CADPS2: variants seen among roughly 807,000 people sequenced by gnomAD.
CADPS2 encodes the protein calcium dependent secretion activator 2, also known as calcium-dependent secretion activator 2.
A neutral mutation model predicts 172.5 loss-of-function variants in CADPS2; 93 were observed. The ratio of observed to expected loss-of-function variants is 0.54; its 90% confidence interval spans 0.46 to 0.64. The LOEUF is 0.64. Among genes scored for constraint, CADPS2 ranks in the 30% least tolerant of loss-of-function variants. The pLI is 0.00. For missense variants in CADPS2, 1,420 were observed against 1,565.9 expected (o/e 0.91, Z 1.57); for synonymous variants, 546 against 555.2 (o/e 0.98, Z 0.23).
At chr7:122,338,061 C>T (rs2036169166) in intron 28 of CADPS2, among the ~76,000 whole-genome samples, 1 of 152,182 alleles carries the variant, frequency 6.6e-6, no homozygotes, top group Non-Finnish European at 1.5e-5. Flanking sequence ...ACCTTTAGTA[C>T]ACAATGAGGT....
intron 1 of CADPS2, among the ~76,000 whole-genome samples, chr7:122,877,435 T>C (rs985287043): frequency 1.3e-5 from 2 of 152,114 alleles, no homozygotes; most frequent in Non-Finnish European, 1.5e-5. Flanking sequence ...AAAAGAGGTA[T>C]AGCTATTGGA....
At chr7:122,674,579 C>T (rs943965542) in intron 2 of CADPS2, among the ~76,000 whole-genome samples, 1 of 152,186 alleles carries the variant, frequency 6.6e-6, no homozygotes, top group Non-Finnish European at 1.5e-5. Flanking sequence ...GAAACTATAT[C>T]TGCCAAAAGT....
chr7:122,732,453 A>G (rs1046632438), intron 2 of CADPS2, among the ~76,000 whole-genome samples: 1 of 151,158 alleles, frequency 6.6e-6, no homozygotes, highest in East Asian at 1.9e-4. Flanking sequence ...AGAGAGAAAA[A>G]TAATAGCAAA....
chr7:122,845,289 T>C (rs764284743), intron 1 of CADPS2, among the ~76,000 whole-genome samples: 3 of 152,182 alleles, frequency 2.0e-5, no homozygotes, highest in African/African-American at 4.8e-5. Context: ...CCAGGACTTA[T>C]TCTAAGAGCA....
rs557609936 is a variant in CADPS2 at position 122,327,301 on chromosome 7, T to C, written c.3613-1720A>G. ...TAATACAGGCACTCACTCACAAGTA[T>C]TGGTGATATTGAATATGAGTACAGT... On this transcript the variant is annotated intron_variant, in intron 28 of 29. Transcript: ENST00000449022. Among the ~76,000 whole-genome samples, 3 of 152,216 alleles carry C rather than the reference T, an allele frequency of 2.0e-5. No homozygotes were observed. The South Asian group carries it at 6.2e-4, about 32-fold the overall frequency.
At chr7:122,653,453 T>C (rs780851731) in intron 3 of CADPS2, among the ~76,000 whole-genome samples, 11 of 152,236 alleles carry the variant, frequency 7.2e-5, no homozygotes, top group Admixed American at 6.5e-5. Flanking sequence ...AGGCTATTCC[T>C]TTCTATAAAG....
At chr7:122,385,520 G>C (rs1473420740) in intron 24 of CADPS2, among the ~76,000 whole-genome samples, 1 of 151,826 alleles carries the variant, frequency 6.6e-6, no homozygotes, top group Non-Finnish European at 1.5e-5. Context: ...TCAACTGTAA[G>C]ACTTGTAAGA....
intron 2 of CADPS2, among the ~76,000 whole-genome samples, chr7:122,669,403 C>T (rs1222444607): frequency 2.0e-5 from 3 of 150,432 alleles, no homozygotes; most frequent in African/African-American, 7.4e-5. Flanking sequence ...ACACTGAAAT[C>T]TCCAGAGATA....
At chr7:122,530,645 T>C (rs1337102941) in intron 8 of CADPS2, among the ~76,000 whole-genome samples, 3 of 152,196 alleles carry the variant, frequency 2.0e-5, no homozygotes, top group Non-Finnish European at 4.4e-5. Flanking sequence ...CAACTTCTGA[T>C]ACTTTTAATA....
At chr7:122,653,860 C>T (rs1173014339) in intron 3 of CADPS2, among the ~76,000 whole-genome samples, 1 of 152,148 alleles carries the variant, frequency 6.6e-6, no homozygotes, top group Non-Finnish European at 1.5e-5. Context: ...TATGTGTGTT[C>T]TGACAGACCA....
rs887571071 is a variant in CADPS2 at position 122,524,118 on chromosome 7, A to G, written c.1476-10803T>C. ...ACTCTATTAAGCTTTCCTTTCCCTGAAAACGTAAATAGTTTAGCAAGAAAC... is the reference window on the plus strand; with the variant it reads ...ACTCTATTAAGCTTTCCTTTCCCTGGAAACGTAAATAGTTTAGCAAGAAAC... On this transcript the variant is annotated intron_variant, in intron 8 of 29. Coordinates refer to ENST00000449022, the MANE Select transcript of CADPS2 (RefSeq NM_017954.11). Among the ~76,000 whole-genome samples the G allele has an allele frequency of 1.1e-4, 16 of 152,338 alleles. No individual in the cohort carries two copies. In the East Asian group the frequency reaches 1.7e-3, roughly 17 times the overall value.
intron 3 of CADPS2, among the ~76,000 whole-genome samples, chr7:122,660,706 C>T (rs750978529): frequency 1.3e-5 from 2 of 151,728 alleles, no homozygotes; most frequent in African/African-American, 4.8e-5. Context: ...GTCAGGAGAT[C>T]GAGACCATCC....
At chr7:122,871,754 A>C (rs912316485) in intron 1 of CADPS2, among the ~76,000 whole-genome samples, 1 of 152,098 alleles carries the variant, frequency 6.6e-6, no homozygotes, top group African/African-American at 2.4e-5. Context: ...GTAGCACCTG[A>C]CATTGTTTTC....
At chr7:122,787,726 T>G (rs1372034267) in intron 1 of CADPS2, among the ~76,000 whole-genome samples, 2 of 152,160 alleles carry the variant, frequency 1.3e-5, no homozygotes, top group Admixed American at 6.6e-5. Flanking sequence ...CAAGGAAGAA[T>G]TCAAACGTAA....
intron 1 of CADPS2, among the ~76,000 whole-genome samples, chr7:122,840,588 A>T (rs1374430134): frequency 1.3e-5 from 2 of 151,686 alleles, no homozygotes; most frequent in Admixed American, 6.6e-5. Context: ...TCAAATCAGC[A>T]AGAAAAAACT....
intron 7 of CADPS2, among the ~76,000 whole-genome samples, chr7:122,563,731 C>T (rs892192398): frequency 6.6e-6 from 1 of 152,090 alleles, no homozygotes; most frequent in African/African-American, 2.4e-5. Context: ...AATATCTAGA[C>T]TTGGACAATT....
chr7:122,681,719 A>T, intron 2 of CADPS2: 1 of 620,964 alleles, frequency 1.6e-6, no homozygotes, highest in Non-Finnish European at 2.7e-6. Context: ...AATAAAATGG[A>T]AATTGTAAAA....
intron 1 of CADPS2, among the ~76,000 whole-genome samples, chr7:122,792,204 A>G (rs1795437597): frequency 6.6e-6 from 1 of 152,184 alleles, no homozygotes; most frequent in Admixed American, 6.5e-5. Flanking sequence ...ACTCCCTGCT[A>G]TGGTCTGAAT....
At chr7:122,688,812 C>G (rs1310288910) in intron 2 of CADPS2, among the ~76,000 whole-genome samples, 3 of 152,150 alleles carry the variant, frequency 2.0e-5, no homozygotes, top group Non-Finnish European at 2.9e-5. Context: ...AGTCACTCAG[C>G]CTGTCCTTGA....
Sources: gnomAD v4.1 joint callset for allele counts (sites outside exome capture counted in the v4.1 genomes callset) on GRCh38, gnomAD v4.1.1 for gene constraint, MANE v1.5 for transcripts, NCBI Gene and HGNC (gene_info 2026-07-23, HGNC 2026-07-21) for gene names.